The following UGT2A2 variants were observed in gnomAD, a reference collection of about 807,000 sequenced individuals.
UGT2A2 encodes UDP-glucuronosyltransferase 2A2.
In UGT2A2, 60 loss-of-function variants were observed where a neutral mutation model predicts 50.7. That is an observed-to-expected ratio of 1.18 (90% CI 0.96 to 1.47). The LOEUF (loss-of-function observed/expected upper bound fraction) is 1.47, where lower values mean the gene tolerates loss of function less well. Among genes scored for constraint, UGT2A2 ranks in the 40% most tolerant of loss-of-function variants. The pLI is 0.00. For synonymous variants in UGT2A2, 242 were observed against 214.6 expected (o/e 1.13, Z -1.11); for missense variants, 762 against 634.0 (o/e 1.20, Z -2.17).
intron 1 of UGT2A2, among the ~76,000 whole-genome samples, chr4:69,600,132 C>T (rs528217130): frequency 1.3e-4 from 20 of 152,198 alleles, no homozygotes; most frequent in African/African-American, 4.6e-4. Flanking sequence ...ACCATGAGTC[C>T]CCAGAGTGTG....
At chr4:69,622,906 C>T (rs1720832500) in intron 1 of UGT2A2, among the ~76,000 whole-genome samples, 1 of 151,834 alleles carries the variant, frequency 6.6e-6, no homozygotes, top group Non-Finnish European at 1.5e-5. Flanking sequence ...TATAATTCTG[C>T]TAAGCCAACA....
intron 1 of UGT2A2, among the ~76,000 whole-genome samples, chr4:69,626,077 C>G (rs9999694): frequency 0.35 from 53,028 of 151,066 alleles, 9,638 homozygotes; most frequent in African/African-American, 0.43. Flanking sequence ...ATTTGTTGCT[C>G]TCAGTCATAT....
At position 69,633,619 on chromosome 4, in the gene UGT2A2, T is replaced by A. The variant is rs1721509063; in HGVS notation, c.742+5280A>T. The stretch of plus-strand genomic sequence containing the variant: ...AATAGACTCCATATAGCTATAAGAA[T>A]GAGCACAGCATATCTACATGCAACA... On this transcript the variant is annotated intron_variant, in intron 1 of 5. Transcript: ENST00000604629. 2.0e-5 allele frequency among the ~76,000 whole-genome samples: 3 copies of A among 152,166 alleles called. No individual in the cohort carries two copies. In the South Asian group the frequency reaches 6.2e-4, roughly 32 times the overall value.
chr4:69,594,713 G>T lies in UGT2A2; in HGVS notation c.1112-17C>A, dbSNP rs1183435880. ...TGGGATGTCCTAATTTGAGGATGGA[G>T]TGAGAAGTGGGTGTGTAATAATAAC... is the stretch of plus-strand genomic sequence containing the variant. On this transcript the variant is annotated splice_polypyrimidine_tract_variant and intron_variant, in intron 4 of 5. Transcript: ENST00000604629. 5.0e-6 allele frequency: 8 copies of T among 1,606,644 alleles called. 1 individual carries two copies. The highest frequency in any genetic ancestry group is 5.1e-6 in the Non-Finnish European group (6 of 1,175,712).
At position 69,606,491 on chromosome 4, in the gene UGT2A2, T is replaced by G. The variant is rs1305549364; in HGVS notation, c.743-7097A>C. 6.5e-4 allele frequency among the ~76,000 whole-genome samples: 89 copies of G among 135,996 alleles called. 25 individuals are homozygous for G. The highest frequency in any genetic ancestry group is 2.5e-3 in the African/African-American group (84 of 33,512). The allele number at this position is 135,996 out of a possible 152,430, so 89.2% of individuals were successfully genotyped here. On this transcript the variant is annotated intron_variant, in intron 1 of 5. Transcript: ENST00000604629. Reference sequence around the variant, plus strand: ...ATACTGAATGGACAAAAACTGGAAGTATTCCCTTTGAAAACTGGCACAAGA... The same window carrying G: ...ATACTGAATGGACAAAAACTGGAAGGATTCCCTTTGAAAACTGGCACAAGA...
chr4:69,619,804 G>A (rs1206773276), intron 1 of UGT2A2, among the ~76,000 whole-genome samples: 1 of 151,934 alleles, frequency 6.6e-6, no homozygotes, highest in Non-Finnish European at 1.5e-5. Context: ...GCTAATCCAT[G>A]ACAATCAAAT....
At chr4:69,614,433 G>A (rs1278654986) in intron 1 of UGT2A2, among the ~76,000 whole-genome samples, 1 of 143,184 alleles carries the variant, frequency 7.0e-6, no homozygotes, top group African/African-American at 2.7e-5. Flanking sequence ...CCTATCAAAA[G>A]ACCAATAAAA....
In UGT2A2 at chr4:69,596,362, T is replaced by C. The variant is rs751031430; in HGVS notation, c.911A>G (p.Gln304Arg). The C allele has an allele frequency of 5.6e-6, 9 of 1,599,370 alleles. No homozygotes were observed. In the African/African-American group the frequency reaches 8.1e-5, roughly 14 times the overall value. ...CACAACACCATTTTTACCTGAGCTC[T>C]GGATAAATTCTTCCATTTCCTGCAT... ...PLPKEMEEFI[Q>R]SSGKNGVVVF... Residue 304 changes from glutamine to arginine, a missense_variant, in exon 3 of 6, where the codon CAG becomes CGG. Coordinates refer to ENST00000604629, the MANE Select transcript of UGT2A2 (RefSeq NM_001105677.2).
chr4:69,604,936 C>G (rs903670903), intron 1 of UGT2A2, among the ~76,000 whole-genome samples: 1 of 136,236 alleles, frequency 7.3e-6, no homozygotes, highest in African/African-American at 3.0e-5. Context: ...CCTTAGAGAC[C>G]TAGAAAGAGA....
chr4:69,610,601 T>G (rs1719977716), intron 1 of UGT2A2, among the ~76,000 whole-genome samples: 1 of 152,202 alleles, frequency 6.6e-6, no homozygotes, highest in Admixed American at 6.5e-5. Context: ...CTGACTGTAT[T>G]TGAAGATAAG....
chr4:69,615,828 G>C (rs985040), intron 1 of UGT2A2, among the ~76,000 whole-genome samples: 2 of 151,828 alleles, frequency 1.3e-5, no homozygotes, highest in Non-Finnish European at 2.9e-5. Context: ...AATTGGTGCA[G>C]CCACTATGGA....
At chr4:69,622,749 G>A (rs1720823276) in intron 1 of UGT2A2, among the ~76,000 whole-genome samples, 1 of 151,716 alleles carries the variant, frequency 6.6e-6, no homozygotes, top group African/African-American at 2.4e-5. Flanking sequence ...CTAGCAAAGA[G>A]AAGGAAATCT....
At chr4:69,636,314 T>G (rs1721708624) in intron 1 of UGT2A2, among the ~76,000 whole-genome samples, 1 of 152,156 alleles carries the variant, frequency 6.6e-6, no homozygotes. Flanking sequence ...CAATATCAGT[T>G]TACAGTTAGC....
At chr4:69,633,926 A>C (rs1721525015) in intron 1 of UGT2A2, among the ~76,000 whole-genome samples, 1 of 152,092 alleles carries the variant, frequency 6.6e-6, no homozygotes, top group South Asian at 2.1e-4. Context: ...TTTAGGATTT[A>C]TGTTTTGCAG....
intron 2 of UGT2A2, 129 bp downstream of exon 2, chr4:69,599,117 G>C (rs1298234225): frequency 1.5e-6 from 2 of 1,358,244 alleles, no homozygotes; most frequent in African/African-American, 3.0e-5. Context: ...CTATCACAAG[G>C]AAAATAGATG....
intron 1 of UGT2A2, among the ~76,000 whole-genome samples, chr4:69,618,345 G>A (rs1303717455): frequency 2.9e-5 from 4 of 137,250 alleles, no homozygotes; most frequent in African/African-American, 1.1e-4. Flanking sequence ...GTAACCCCAG[G>A]AACTCATACT....
At chr4:69,612,233 T>C (rs949843061) in intron 1 of UGT2A2, among the ~76,000 whole-genome samples, 4 of 152,002 alleles carry the variant, frequency 2.6e-5, no homozygotes, top group Admixed American at 1.3e-4. Flanking sequence ...TAGAATTATT[T>C]GAAATAGAAT....
chr4:69,596,054 G>T (rs1718902077), intron 3 of UGT2A2, among the ~76,000 whole-genome samples, 196 bp downstream of exon 3: 2 of 152,098 alleles, frequency 1.3e-5, no homozygotes, highest in Non-Finnish European at 2.9e-5. Flanking sequence ...CTAAAATAAT[G>T]CCAAGGCTCA....
chr4:69,596,152 A>G lies in UGT2A2; in HGVS notation c.1023+98T>C, dbSNP rs895071433. On this transcript the variant is annotated intron_variant, in intron 3 of 5. Transcript: ENST00000604629. ...AACTGTTACTAGTGATACTCAGTGT[A>G]TAATGAGTTTTGATTTTCATATGGA... 2.2e-6 allele frequency: 3 copies of G among 1,361,534 alleles called. No individual in the cohort carries two copies. The African/African-American group carries it at 4.4e-5, about 20-fold the overall frequency. 84.3% of individuals were successfully genotyped at this position (1,361,534 alleles called of 1,614,324 possible).
Sources: gnomAD v4.1 joint callset for allele counts (sites outside exome capture counted in the v4.1 genomes callset) on GRCh38, gnomAD v4.1.1 for gene constraint, MANE v1.5 for transcripts, NCBI Gene and HGNC (gene_info 2026-07-23, HGNC 2026-07-21) for gene names.